CDK19: variants seen among roughly 807,000 people sequenced by gnomAD.
CDK19 encodes the protein cyclin dependent kinase 19.
CDK19 carries 20 observed loss-of-function variants against 68.3 expected under a neutral mutation model. The observed-to-expected ratio is 0.29, with a 90% CI of 0.21 to 0.43. CDK19 has a LOEUF of 0.43. Ranked by LOEUF, CDK19 falls within the 20% of genes least tolerant of loss-of-function variation. CDK19 has a pLI of 1.00. For missense variants in CDK19, 339 were observed against 623.5 expected, an observed-to-expected ratio of 0.54 and a Z score of 4.86; for synonymous variants, 221 against 222.8, an observed-to-expected ratio of 0.99 and a Z score of 0.07.
chr6:110,814,851 A>C, intron 1 of CDK19, 158 bp downstream of exon 1: 1 of 931,562 alleles, frequency 1.1e-6, no homozygotes, highest in Non-Finnish European at 1.6e-6. Flanking sequence ...GGCGGGCGGA[A>C]CGGGCGCCCC....
intron 1 of CDK19, among the ~76,000 whole-genome samples, chr6:110,788,846 C>CT (rs543680579): frequency 2.6e-5 from 4 of 151,714 alleles, no homozygotes; most frequent in South Asian, 4.2e-4. Context: ...AGGAACTGAA[C>CT]TTTTTTTTTC....
intron 4 of CDK19, chr6:110,643,115 C>T (rs1235191844): frequency 1.4e-5 from 14 of 1,035,814 alleles, no homozygotes; most frequent in South Asian, 7.5e-5. Flanking sequence ...ATCACTAAGA[C>T]CTTCAAGGGC....
Position 110,815,107 on chromosome 6 carries a change from C to T in CDK19, c.30G>A (p.Ala10=), listed in dbSNP as rs765780200. 1 of 1,602,202 alleles carries T rather than the reference C, an allele frequency of 6.2e-7. No individual in the cohort carries two copies. Among genetic ancestry groups the T allele is most frequent in the South Asian group, 1.1e-5 (1 of 89,704 alleles). Residue 10 remains alanine, a synonymous_variant, in exon 1 of 13, where the codon GCG becomes GCA. Transcript: ENST00000368911. MDYDFKAKL[A]AERERVEDLF... The stretch of plus-strand genomic sequence containing the variant: ...AATCCTCCACCCGCTCCCGCTCCGC[C>T]GCCAGCTTCGCCTTGAAATCATAAT...
chr6:110,814,146 C>A (rs1194017455), intron 1 of CDK19: 1 of 180,726 alleles, frequency 5.5e-6, no homozygotes, highest in South Asian at 9.8e-5. Context: ...AAGGTTCAGG[C>A]CCAGCTCTGT....
intron 2 of CDK19, among the ~76,000 whole-genome samples, chr6:110,685,207 T>C (rs983677186): frequency 2.0e-5 from 3 of 152,202 alleles, no homozygotes; most frequent in African/African-American, 7.2e-5. Context: ...GCTTCTTAAA[T>C]ATCATTCATT....
chr6:110,755,942 A>G (rs892331845), intron 1 of CDK19, among the ~76,000 whole-genome samples: 1 of 152,168 alleles, frequency 6.6e-6, no homozygotes, highest in Non-Finnish European at 1.5e-5. Flanking sequence ...AATGGACTCA[A>G]GAGGCATTTC....
intron 1 of CDK19, among the ~76,000 whole-genome samples, chr6:110,765,292 T>C (rs373201086): frequency 6.6e-6 from 1 of 152,044 alleles, no homozygotes; most frequent in African/African-American, 2.4e-5. Flanking sequence ...GGAAGAAGGA[T>C]CACTTGAGCC....
In CDK19 at chr6:110,626,775, C is replaced by T; in HGVS notation, c.860+1G>A. 1.3e-6 allele frequency: 2 copies of T among 1,545,042 alleles called. No homozygotes were observed. Among genetic ancestry groups the T allele is most frequent in the Middle Eastern group, 1.7e-4 (1 of 5,888 alleles). On this transcript the variant is annotated splice_donor_variant, in intron 8 of 12. Coordinates refer to ENST00000368911, the MANE Select transcript of CDK19 (RefSeq NM_015076.5). LOFTEE classifies it high-confidence loss of function. ...GACTAAGACTGTGTGGAATTACTTA[C>T]GTTGTTCTTCTAAAGTCTTTTTGAA... is the stretch of plus-strand genomic sequence containing the variant.
At chr6:110,691,451 G>A (rs1031864968) in intron 2 of CDK19, among the ~76,000 whole-genome samples, 2 of 150,942 alleles carry the variant, frequency 1.3e-5, no homozygotes, top group Non-Finnish European at 2.9e-5. Flanking sequence ...CCCAGCCTGG[G>A]CGACAGTGCA....
intron 1 of CDK19, among the ~76,000 whole-genome samples, chr6:110,761,881 C>T (rs939092133): frequency 3.9e-5 from 6 of 152,096 alleles, no homozygotes; most frequent in African/African-American, 7.2e-5. Flanking sequence ...AGGTACTTAA[C>T]CAACTGAGAT....
chr6:110,661,439 C>G (rs1417043089), intron 4 of CDK19, among the ~76,000 whole-genome samples: 1 of 118,974 alleles, frequency 8.4e-6, no homozygotes, highest in African/African-American at 3.9e-5. Flanking sequence ...TGCAACATTT[C>G]TTTTTTATTT....
At chr6:110,648,967 C>T (rs1414997747) in intron 4 of CDK19, among the ~76,000 whole-genome samples, 1 of 152,124 alleles carries the variant, frequency 6.6e-6, no homozygotes, top group Non-Finnish European at 1.5e-5. Flanking sequence ...TCCGCTCGGC[C>T]TCCCAAAGTG....
intron 2 of CDK19, among the ~76,000 whole-genome samples, chr6:110,684,418 C>T (rs1486397061): frequency 8.9e-6 from 1 of 112,112 alleles, no homozygotes; most frequent in Non-Finnish European, 1.6e-5. Context: ...CCTTTTCTCT[C>T]CTTGAAATAG....
At chr6:110,792,229 A>C (rs900467227) in intron 1 of CDK19, among the ~76,000 whole-genome samples, 8 of 152,068 alleles carry the variant, frequency 5.3e-5, no homozygotes, top group African/African-American at 1.7e-4. Flanking sequence ...TCGGCCTCCC[A>C]AAGTGCTGAG....
Position 110,807,704 on chromosome 6 carries a change from C to A in CDK19, c.128+7305G>T, listed in dbSNP as rs186015726. 2.6e-5 allele frequency among the ~76,000 whole-genome samples: 4 copies of A among 152,274 alleles called. No homozygotes were observed. In the East Asian group the frequency reaches 7.7e-4, roughly 29 times the overall value. On this transcript the variant is annotated intron_variant, in intron 1 of 12. Coordinates refer to ENST00000368911, the MANE Select transcript of CDK19 (RefSeq NM_015076.5). ...TGATCTCCTTGCCTCAAGTGATCTG[C>A]CCACCTCGGCCTCCCCAAAGAGCTG...
chr6:110,705,296 T>C (rs1428273315), intron 2 of CDK19, among the ~76,000 whole-genome samples: 1 of 152,172 alleles, frequency 6.6e-6, no homozygotes, highest in Non-Finnish European at 1.5e-5. Flanking sequence ...TGCCTCGGCC[T>C]CCGTAAGTGC....
chr6:110,711,289 G>C (rs956522495), intron 2 of CDK19, among the ~76,000 whole-genome samples: 1 of 152,092 alleles, frequency 6.6e-6, no homozygotes, highest in African/African-American at 2.4e-5. Context: ...AATAAATTGT[G>C]CTTATTTATT....
intron 4 of CDK19, among the ~76,000 whole-genome samples, chr6:110,660,594 CA>C (rs1414951682): frequency 6.6e-6 from 1 of 151,466 alleles, no homozygotes; most frequent in Non-Finnish European, 1.5e-5. Flanking sequence ...AAGTGGCTCT[CA>C]GCAGGAAGGG....
At chr6:110,808,732 A>G (rs542358141) in intron 1 of CDK19, among the ~76,000 whole-genome samples, 10 of 152,314 alleles carry the variant, frequency 6.6e-5, no homozygotes, top group Admixed American at 6.5e-4. Flanking sequence ...TAAACCCATA[A>G]AACCAAAATT....
Sources: allele counts gnomAD v4.1 joint callset (sites outside exome capture counted in the v4.1 genomes callset), GRCh38; gene constraint gnomAD v4.1.1; transcripts MANE v1.5; gene names NCBI Gene and HGNC (gene_info 2026-07-23, HGNC 2026-07-21).